NCOA1: variants seen among roughly 807,000 people sequenced by gnomAD.
The protein encoded by NCOA1 is Hin-2 protein.
In NCOA1, 35 loss-of-function variants were observed where a neutral mutation model predicts 150.9. That is an observed-to-expected ratio of 0.23 (90% CI 0.18 to 0.31). The LOEUF (loss-of-function observed/expected upper bound fraction) is 0.31. NCOA1 is among the 10% of genes least tolerant of loss of function. The probability of loss-of-function intolerance (pLI) is 1.00; values close to 1 mark genes in which losing one functional copy is unlikely to be tolerated. For missense variants in NCOA1, 1,491 were observed against 1,749.3 expected, an observed-to-expected ratio of 0.85 and a Z score of 2.63; for synonymous variants, 590 against 630.0, an observed-to-expected ratio of 0.94 and a Z score of 0.95.
At chr2:24,738,116 T>C (rs1484653396) in intron 17 of NCOA1, among the ~76,000 whole-genome samples, 2 of 152,050 alleles carry the variant, frequency 1.3e-5, no homozygotes, top group Non-Finnish European at 2.9e-5. Flanking sequence ...TTCCCCAAAA[T>C]TGGTTTGTTT....
At chr2:24,556,913 C>T (rs1171515724) in intron 1 of NCOA1, among the ~76,000 whole-genome samples, 1 of 151,914 alleles carries the variant, frequency 6.6e-6, no homozygotes, top group Admixed American at 6.6e-5. Context: ...TATCTCTACT[C>T]TTAGCTACTT....
intron 4 of NCOA1, among the ~76,000 whole-genome samples, chr2:24,648,254 T>C (rs1454088870): frequency 6.6e-6 from 1 of 151,408 alleles, no homozygotes; most frequent in Admixed American, 6.7e-5. Flanking sequence ...ATAAATGTGG[T>C]CAGTGAAGAT....
intron 1 of NCOA1, among the ~76,000 whole-genome samples, chr2:24,516,955 A>ATATACTATATATACGT (rs1558758490): frequency 1.0e-4 from 7 of 70,102 alleles, no homozygotes; most frequent in Admixed American, 2.0e-4. Context: ...TATATATACA[A>ATATACTATATATACGT]GTATATATAC....
chr2:24,609,165 G>A (rs1478686632), intron 3 of NCOA1, among the ~76,000 whole-genome samples: 1 of 152,180 alleles, frequency 6.6e-6, no homozygotes, highest in Non-Finnish European at 1.5e-5. Context: ...CCAGAGGGAG[G>A]AGTAGCTACA....
intron 3 of NCOA1, among the ~76,000 whole-genome samples, chr2:24,633,575 G>A (rs956633733): frequency 2.0e-5 from 3 of 152,076 alleles, no homozygotes; most frequent in Non-Finnish European, 4.4e-5. Context: ...TTAAAGAATA[G>A]GAAATATAAA....
At position 24,512,814 on chromosome 2, in the gene NCOA1, A is replaced by C. The variant is rs540469696; in HGVS notation, c.-396+21212A>C. Among the ~76,000 whole-genome samples, 9 of 152,270 alleles carry C rather than the reference A, an allele frequency of 5.9e-5. No homozygotes were observed. In the East Asian group the frequency reaches 1.7e-3, roughly 29 times the overall value. On this transcript the variant is annotated intron_variant, in intron 1 of 22. Coordinates refer to ENST00000348332, the MANE Select transcript of NCOA1 (RefSeq NM_003743.5). ...ACTACAGTTGTGAAATGTGCTTTGC[A>C]CCTATAGATCTGGACTCATCTCTGA...
At chr2:24,614,937 A>G (rs1367122891) in intron 3 of NCOA1, among the ~76,000 whole-genome samples, 1 of 152,236 alleles carries the variant, frequency 6.6e-6, no homozygotes, top group East Asian at 1.9e-4. Flanking sequence ...ATTATTCACA[A>G]GAATCCTATA....
intron 3 of NCOA1, among the ~76,000 whole-genome samples, chr2:24,623,683 C>T (rs577685548): frequency 2.0e-4 from 31 of 152,310 alleles, no homozygotes; most frequent in African/African-American, 7.5e-4. Context: ...AACTGAAAGA[C>T]CAAGATCAAG....
At chr2:24,551,490 G>A (rs115520325) in intron 1 of NCOA1, among the ~76,000 whole-genome samples, 1,996 of 151,368 alleles carry the variant, frequency 0.013, 21 homozygotes, top group Non-Finnish European at 0.018. Context: ...TTCTTTTATC[G>A]TTTGTGTTTT....
At chr2:24,607,418 G>A (rs376897041) in intron 3 of NCOA1, among the ~76,000 whole-genome samples, 19 of 152,256 alleles carry the variant, frequency 1.2e-4, no homozygotes, top group Middle Eastern at 3.4e-3. Flanking sequence ...CTGGGCGCAC[G>A]GTGGCTCACA....
chr2:24,634,067 T>A (rs192852230), intron 3 of NCOA1, among the ~76,000 whole-genome samples: 1 of 152,268 alleles, frequency 6.6e-6, no homozygotes, highest in East Asian at 1.9e-4. Flanking sequence ...ATGCAGAATA[T>A]GTATGATATA....
chr2:24,607,464 C>T (rs981225555), intron 3 of NCOA1, among the ~76,000 whole-genome samples: 2 of 152,036 alleles, frequency 1.3e-5, no homozygotes, highest in Non-Finnish European at 2.9e-5. Context: ...CCAAGGCGGG[C>T]GGATCATGAG....
At chr2:24,757,324 T>C (rs1442256375) in intron 20 of NCOA1, among the ~76,000 whole-genome samples, 2 of 152,186 alleles carry the variant, frequency 1.3e-5, no homozygotes, top group Non-Finnish European at 2.9e-5. Flanking sequence ...CTGGCACAGA[T>C]ACAGTAAACC....
chr2:24,768,060 A>C, intron 22 of NCOA1, 161 bp from the exon 23 acceptor site: 1 of 1,612,984 alleles, frequency 6.2e-7, no homozygotes, highest in Non-Finnish European at 8.5e-7. Context: ...AAATGAGTGC[A>C]GCGATTTTCT....
intron 11 of NCOA1, among the ~76,000 whole-genome samples, chr2:24,701,549 TATA>T (rs1249459503): frequency 7.3e-5 from 11 of 150,054 alleles, no homozygotes; most frequent in Non-Finnish European, 1.5e-4. Context: ...GCACAGCATA[TATA>T]ATATGATCTC....
chr2:24,562,521 C>T (rs772887129), intron 1 of NCOA1, among the ~76,000 whole-genome samples: 3 of 152,134 alleles, frequency 2.0e-5, no homozygotes, highest in Non-Finnish European at 4.4e-5. Context: ...TTCCATTCCA[C>T]CCCTAGTAGG....
chr2:24,714,918 T>G (rs1447761404), intron 14 of NCOA1, among the ~76,000 whole-genome samples: 4 of 151,734 alleles, frequency 2.6e-5, no homozygotes. Flanking sequence ...AACAAAAATC[T>G]TAAAACCAAT....
At chr2:24,575,506 G>T (rs1268374959) in intron 2 of NCOA1, among the ~76,000 whole-genome samples, 1 of 151,174 alleles carries the variant, frequency 6.6e-6, no homozygotes, top group Non-Finnish European at 1.5e-5. Context: ...AATTTTGATT[G>T]TCAGACATTG....
In NCOA1 at chr2:24,688,720, G is replaced by A. The variant is rs1187359588; in HGVS notation, c.533-2761G>A. Among the ~76,000 whole-genome samples the A allele has an allele frequency of 2.6e-5, 4 of 152,102 alleles. No homozygotes were observed. In the East Asian group the frequency reaches 5.8e-4, roughly 22 times the overall value. ...AGGTTGCCTGTTTACTCTCTTGACA[G>A]TTTCTTTTGCTGTGCAGATGATCTT... On this transcript the variant is annotated intron_variant, in intron 8 of 22. Transcript: ENST00000348332.
Sources: allele counts gnomAD v4.1 joint callset (sites outside exome capture counted in the v4.1 genomes callset), GRCh38; gene constraint gnomAD v4.1.1; transcripts MANE v1.5; gene names NCBI Gene and HGNC (gene_info 2026-07-23, HGNC 2026-07-21).